The following EIF4E variants were observed in gnomAD, a reference collection of about 807,000 sequenced individuals.
EIF4E encodes eIF-4F 25 kDa subunit.
For synonymous variants in EIF4E, 71 were observed against 88.5 expected, an observed-to-expected ratio of 0.80 and a Z score of 1.11; for missense variants, 113 against 265.6, an observed-to-expected ratio of 0.43 and a Z score of 3.99.
intron 1 of EIF4E, among the ~76,000 whole-genome samples, chr4:98,903,969 A>C (rs1041308307): frequency 8.5e-5 from 13 of 152,140 alleles, no homozygotes; most frequent in African/African-American, 2.9e-4. Context: ...ACAATGAGAG[A>C]CTGGCAGGCA....
intron 2 of EIF4E, among the ~76,000 whole-genome samples, chr4:98,897,396 C>A (rs1291147912): frequency 1.3e-5 from 2 of 151,936 alleles, no homozygotes; most frequent in African/African-American, 2.4e-5. Flanking sequence ...CATGGTGAAA[C>A]CCTGTCTCTA....
In EIF4E at chr4:98,881,168, A is replaced by G. The variant is rs763285621; in HGVS notation, c.540-26T>C. The G allele has an allele frequency of 4.4e-6, 7 of 1,607,874 alleles. No homozygotes were observed. The Admixed American group carries it at 1.0e-4, about 23-fold the overall frequency. ...CTAGAAGAAAAAAAAAAAGAAGAAG[A>G]AAAAAGTAGTCATTAACTTTTACTC... On this transcript the variant is annotated intron_variant, in intron 6 of 6. Coordinates refer to ENST00000450253, the MANE Select transcript of EIF4E (RefSeq NM_001968.5).
In EIF4E at chr4:98,921,083, G is replaced by A. The variant is rs536601705; in HGVS notation, c.18+8012C>T. ...TATATTCAAGTGCTATTCCTTTTGC[G>A]GCACCAAAACTTTGTATGTAACACT... is the stretch of plus-strand genomic sequence containing the variant. On this transcript the variant is annotated intron_variant, in intron 1 of 6. Coordinates refer to ENST00000450253, the MANE Select transcript of EIF4E (RefSeq NM_001968.5). Among the ~76,000 whole-genome samples, 7 of 151,976 alleles carry A rather than the reference G, an allele frequency of 4.6e-5. No homozygotes were observed. In the East Asian group the frequency reaches 5.8e-4, roughly 13 times the overall value.
At chr4:98,923,436 C>T (rs1468419115) in intron 1 of EIF4E, among the ~76,000 whole-genome samples, 2 of 152,206 alleles carry the variant, frequency 1.3e-5, no homozygotes, top group Non-Finnish European at 2.9e-5. Flanking sequence ...CCATTTCAGC[C>T]TCCTGAGGCT....
chr4:98,901,228 G>A (rs1174588995), intron 2 of EIF4E, among the ~76,000 whole-genome samples: 2 of 141,538 alleles, frequency 1.4e-5, no homozygotes, highest in Admixed American at 1.5e-4. Context: ...ATGGAGTTTC[G>A]CTCTTGTTGC....
At chr4:98,899,059 A>AT (rs1475937197) in intron 2 of EIF4E, among the ~76,000 whole-genome samples, 3 of 152,022 alleles carry the variant, frequency 2.0e-5, no homozygotes, top group Non-Finnish European at 4.4e-5. Flanking sequence ...ACCTCTAAAA[A>AT]AAAAAAAACC....
intron 1 of EIF4E, among the ~76,000 whole-genome samples, chr4:98,907,035 G>A (rs1439298232): frequency 6.6e-6 from 1 of 152,154 alleles, no homozygotes; most frequent in Non-Finnish European, 1.5e-5. Context: ...AATGTTAAGT[G>A]AATGGTTACC....
At chr4:98,906,216 T>A (rs1017111909) in intron 1 of EIF4E, among the ~76,000 whole-genome samples, 19 of 152,128 alleles carry the variant, frequency 1.2e-4, no homozygotes, top group Non-Finnish European at 2.1e-4. Flanking sequence ...TTCCAAAAAA[T>A]TTTTTTCCAG....
intron 2 of EIF4E, among the ~76,000 whole-genome samples, chr4:98,897,233 A>G (rs1724446289): frequency 1.3e-5 from 2 of 152,090 alleles, no homozygotes; most frequent in East Asian, 1.9e-4. Flanking sequence ...CTGTACATTT[A>G]TTACTACCAA....
rs114055147 is a variant in EIF4E at position 98,905,818 on chromosome 4, G to T, written c.19-3836C>A. ...GAAGAAAAAAAGCAAGCAAGGGTGA[G>T]AAAAGTCTAACAACTGGCTGCAAAG... On this transcript the variant is annotated intron_variant, in intron 1 of 6. Coordinates refer to ENST00000450253, the MANE Select transcript of EIF4E (RefSeq NM_001968.5). Among the ~76,000 whole-genome samples, 390 of 152,228 alleles carry T rather than the reference G, an allele frequency of 2.6e-3. 1 individual carries two copies. The highest frequency in any genetic ancestry group is 4.4e-3 in the Non-Finnish European group (296 of 68,004).
intron 1 of EIF4E, among the ~76,000 whole-genome samples, chr4:98,914,361 CAAAAAAAAA>C (rs1159581783): frequency 8.6e-5 from 3 of 34,830 alleles, no homozygotes; most frequent in African/African-American, 3.1e-4. Context: ...GACTCCGTCT[CAAAAAAAAA>C]AAAAAAAAAA....
At chr4:98,911,916 A>G (rs1445570853) in intron 1 of EIF4E, among the ~76,000 whole-genome samples, 1 of 151,410 alleles carries the variant, frequency 6.6e-6, no homozygotes, top group Non-Finnish European at 1.5e-5. Flanking sequence ...TGTCACTACT[A>G]TTTAAACCAA....
chr4:98,922,120 A>G (rs1256866645), intron 1 of EIF4E, among the ~76,000 whole-genome samples: 2 of 152,238 alleles, frequency 1.3e-5, no homozygotes, highest in Non-Finnish European at 2.9e-5. Flanking sequence ...AGCACATTAC[A>G]TGCCTACTTG....
At chr4:98,889,041 C>T (rs1454323105) in intron 3 of EIF4E, among the ~76,000 whole-genome samples, 2 of 151,986 alleles carry the variant, frequency 1.3e-5, no homozygotes, top group African/African-American at 4.8e-5. Flanking sequence ...CGCCTGTAAT[C>T]CCAGCTACTA....
chr4:98,925,314 G>C (rs1187990312), intron 1 of EIF4E, among the ~76,000 whole-genome samples: 1 of 151,976 alleles, frequency 6.6e-6, no homozygotes, highest in Non-Finnish European at 1.5e-5. Context: ...GGAACTACAA[G>C]TCAAAAAAAA....
At chr4:98,899,847 A>T (rs1197892804) in intron 2 of EIF4E, among the ~76,000 whole-genome samples, 1 of 152,188 alleles carries the variant, frequency 6.6e-6, no homozygotes, top group African/African-American at 2.4e-5. Flanking sequence ...GAAGAAAGTA[A>T]AATGCAAGAA....
intron 1 of EIF4E, among the ~76,000 whole-genome samples, chr4:98,906,215 ATT>A (rs964484156): frequency 1.3e-5 from 2 of 152,074 alleles, no homozygotes; most frequent in African/African-American, 4.8e-5. Context: ...CTTCCAAAAA[ATT>A]TTTTTCCAGG....
At chr4:98,896,699 C>T (rs1167895866) in intron 2 of EIF4E, among the ~76,000 whole-genome samples, 2 of 137,954 alleles carry the variant, frequency 1.4e-5, no homozygotes, top group African/African-American at 2.8e-5. Context: ...AAAAAAAAGC[C>T]AGGCATGTTG....
At chr4:98,896,955 CA>C (rs1292394928) in intron 2 of EIF4E, among the ~76,000 whole-genome samples, 3 of 152,076 alleles carry the variant, frequency 2.0e-5, no homozygotes, top group Non-Finnish European at 2.9e-5. Flanking sequence ...ACCCTGTCTT[CA>C]AAAACAAACA....
Sources: allele counts gnomAD v4.1 joint callset (sites outside exome capture counted in the v4.1 genomes callset), GRCh38; gene constraint gnomAD v4.1.1; transcripts MANE v1.5; gene names NCBI Gene and HGNC (gene_info 2026-07-23, HGNC 2026-07-21).